Variants in TBCK observed in about 807,000 individuals in gnomAD.
The protein encoded by TBCK is TBC1 domain containing kinase, also known as TBC domain-containing protein kinase-like protein.
A neutral mutation model predicts 113.4 loss-of-function variants in TBCK; 99 were observed. The ratio of observed to expected loss-of-function variants is 0.87; its 90% confidence interval spans 0.74 to 1.03. TBCK has a LOEUF of 1.03. TBCK is among the 50% of genes least tolerant of loss of function. The pLI is 0.00. For synonymous variants in TBCK, 369 were observed against 370.8 expected (o/e 1.00, Z 0.05); for missense variants, 1,045 against 1,061.3 (o/e 0.98, Z 0.21).
At chr4:106,242,792 C>A (rs757281300) in intron 11 of TBCK, among the ~76,000 whole-genome samples, 8 of 151,352 alleles carry the variant, frequency 5.3e-5, no homozygotes, top group African/African-American at 1.9e-4. Context: ...ATACATGTGC[C>A]GTGCTGGTGT....
At chr4:106,156,721 C>A (rs1213820291) in intron 23 of TBCK, among the ~76,000 whole-genome samples, 2 of 152,106 alleles carry the variant, frequency 1.3e-5, no homozygotes, top group South Asian at 2.1e-4. Flanking sequence ...CTTCATCGAG[C>A]TTGTGGTGAA....
chr4:106,282,908 T>C (rs1764754385), intron 3 of TBCK, among the ~76,000 whole-genome samples: 1 of 152,136 alleles, frequency 6.6e-6, no homozygotes, highest in Admixed American at 6.6e-5. Context: ...GATACCTCAG[T>C]CCTAAAATTA....
chr4:106,099,411 G>T (rs1741289045), intron 24 of TBCK, among the ~76,000 whole-genome samples: 1 of 151,954 alleles, frequency 6.6e-6, no homozygotes. Flanking sequence ...TTGGCTGTTT[G>T]TCTGCTGGGT....
At chr4:106,294,732 C>T (rs1036392159) in intron 3 of TBCK, among the ~76,000 whole-genome samples, 6 of 152,098 alleles carry the variant, frequency 3.9e-5, no homozygotes, top group African/African-American at 7.2e-5. Context: ...CCGCCCGCCT[C>T]GGCCTCCCAA....
intron 20 of TBCK, among the ~76,000 whole-genome samples, chr4:106,202,873 T>C (rs1755041398): frequency 6.6e-6 from 1 of 152,088 alleles, no homozygotes; most frequent in African/African-American, 2.4e-5. Flanking sequence ...TAAAAGGATA[T>C]ATGAGAGTAA....
intron 25 of TBCK, among the ~76,000 whole-genome samples, chr4:106,054,354 A>T (rs980270076): frequency 6.6e-6 from 1 of 151,760 alleles, no homozygotes; most frequent in Non-Finnish European, 1.5e-5. Flanking sequence ...CAATCATCAA[A>T]AGAATGATTC....
chr4:106,250,278 C>T (rs544944985), intron 7 of TBCK, 140 bp downstream of exon 7: 4 of 547,994 alleles, frequency 7.3e-6, no homozygotes, highest in African/African-American at 4.0e-5. Context: ...CTGATCATTA[C>T]CACTGATCAT....
intron 3 of TBCK, among the ~76,000 whole-genome samples, chr4:106,268,490 G>A (rs1026907619): frequency 6.6e-6 from 1 of 151,988 alleles, no homozygotes; most frequent in Non-Finnish European, 1.5e-5. Flanking sequence ...GTACAAGGGG[G>A]AAAGATAATT....
At chr4:106,111,975 G>A (rs1381219735) in intron 24 of TBCK, among the ~76,000 whole-genome samples, 1 of 152,060 alleles carries the variant, frequency 6.6e-6, no homozygotes, top group Admixed American at 6.6e-5. Context: ...CAGCACAAAG[G>A]GAAATTGAAG....
chr4:106,245,166 TA>T (rs1195448932), intron 10 of TBCK, among the ~76,000 whole-genome samples: 1 of 152,114 alleles, frequency 6.6e-6, no homozygotes, highest in African/African-American at 2.4e-5. Flanking sequence ...GTCTGAGAGT[TA>T]AAAACTCCAG....
At chr4:106,226,525 T>C (rs73838161) in intron 19 of TBCK, among the ~76,000 whole-genome samples, 1 of 152,188 alleles carries the variant, frequency 6.6e-6, no homozygotes, top group Non-Finnish European at 1.5e-5. Context: ...CAACACTGTA[T>C]ATTAATTGGG....
intron 20 of TBCK, among the ~76,000 whole-genome samples, chr4:106,211,473 C>T (rs1287725195): frequency 2.0e-5 from 3 of 152,008 alleles, no homozygotes; most frequent in Admixed American, 6.6e-5. Flanking sequence ...TAACACAATG[C>T]ATCACATGTA....
intron 11 of TBCK, among the ~76,000 whole-genome samples, chr4:106,243,314 T>A (rs1234769464): frequency 6.6e-6 from 1 of 152,124 alleles, no homozygotes; most frequent in Non-Finnish European, 1.5e-5. Flanking sequence ...CAAGAAACTT[T>A]ATACGTGTAG....
chr4:106,244,907 G>C lies in TBCK; in HGVS notation c.932-143C>G. On this transcript the variant is annotated intron_variant, in intron 10 of 25. Coordinates refer to ENST00000394708, the MANE Select transcript of TBCK (RefSeq NM_001163435.3). ...TCCTAGTTCTGATTGTAGGGAGCCT[G>C]AAATTTGCTACTCCATCCTAACAAC... 5.7e-6 allele frequency: 3 copies of C among 525,802 alleles called. No homozygotes were observed. In the Admixed American group the frequency reaches 1.1e-4, roughly 20 times the overall value. The allele number at this position is 525,802 out of a possible 1,614,324, so 32.6% of individuals were successfully genotyped here.
chr4:106,194,422 A>G (rs62321382), intron 21 of TBCK, among the ~76,000 whole-genome samples: 10,943 of 152,120 alleles, frequency 0.072, 455 homozygotes, highest in Middle Eastern at 0.12. Context: ...TTTGATTGTA[A>G]TAGTTGCCCT....
intron 10 of TBCK, among the ~76,000 whole-genome samples, chr4:106,245,046 A>AGCTATG (rs1302121051): frequency 1.3e-5 from 2 of 152,136 alleles, no homozygotes; most frequent in East Asian, 3.9e-4. Context: ...GAATAAAGGG[A>AGCTATG]GCTATGGCAT....
chr4:106,300,575 A>C (rs1298260397), intron 2 of TBCK, among the ~76,000 whole-genome samples: 2 of 152,232 alleles, frequency 1.3e-5, no homozygotes, highest in African/African-American at 4.8e-5. Flanking sequence ...CAAAACCAAC[A>C]AAGAAAAACA....
intron 25 of TBCK, among the ~76,000 whole-genome samples, chr4:106,054,289 G>A (rs1310190899): frequency 2.0e-5 from 3 of 151,566 alleles, no homozygotes. Context: ...ATTACTGCAA[G>A]AACTTCTTGA....
chr4:106,069,271 G>GT (rs2149473580), intron 25 of TBCK, among the ~76,000 whole-genome samples: 1 of 152,234 alleles, frequency 6.6e-6, no homozygotes, highest in South Asian at 2.1e-4. Flanking sequence ...GGTTTTTATG[G>GT]TTTTAGGTCT....
Sources: gnomAD v4.1 joint callset for allele counts (sites outside exome capture counted in the v4.1 genomes callset) on GRCh38, gnomAD v4.1.1 for gene constraint, MANE v1.5 for transcripts, NCBI Gene and HGNC (gene_info 2026-07-23, HGNC 2026-07-21) for gene names.